Variants in SH3GL3 observed in about 807,000 individuals in gnomAD.
The protein encoded by SH3GL3 is endophilin-A3.
In SH3GL3, 33 loss-of-function variants were observed where a neutral mutation model predicts 47.7. That is an observed-to-expected ratio of 0.69 (90% CI 0.52 to 0.92). The LOEUF (loss-of-function observed/expected upper bound fraction) is 0.92, where lower values mean the gene tolerates loss of function less well. Ranked by LOEUF, SH3GL3 falls within the 40% of genes least tolerant of loss-of-function variation. The pLI is 0.00. For missense variants in SH3GL3, 363 were observed against 417.8 expected, an observed-to-expected ratio of 0.87 and a Z score of 1.14; for synonymous variants, 155 against 148.8, an observed-to-expected ratio of 1.04 and a Z score of -0.30.
intron 1 of SH3GL3, among the ~76,000 whole-genome samples, chr15:83,467,345 A>G (rs918178278): frequency 6.6e-6 from 1 of 152,136 alleles, no homozygotes; most frequent in African/African-American, 2.4e-5. Context: ...AACTGAGCAT[A>G]TTTGTGTGGG....
At chr15:83,573,763 T>G (rs1233425215) in intron 5 of SH3GL3, among the ~76,000 whole-genome samples, 1 of 152,184 alleles carries the variant, frequency 6.6e-6, no homozygotes, top group Non-Finnish European at 1.5e-5. Flanking sequence ...CTTTGTTCAT[T>G]TATTTATTCA....
chr15:83,629,635 T>C, the SH3GL3 span, among the ~76,000 whole-genome samples: 1 of 152,004 alleles, frequency 6.6e-6, no homozygotes, highest in Non-Finnish European at 1.5e-5. Context: ...GGCTGGCCAA[T>C]ACAGTGAGAT....
intron 5 of SH3GL3, among the ~76,000 whole-genome samples, chr15:83,573,852 G>A (rs963830625): frequency 6.6e-6 from 1 of 152,238 alleles, no homozygotes; most frequent in Non-Finnish European, 1.5e-5. Flanking sequence ...ACAAGACCTG[G>A]TGCATGCCCT....
At chr15:83,518,432 T>C (rs1441437645) in intron 1 of SH3GL3, among the ~76,000 whole-genome samples, 2 of 152,246 alleles carry the variant, frequency 1.3e-5, no homozygotes, top group Admixed American at 1.3e-4. Context: ...ATAGTCTTTC[T>C]GACTGGTGTG....
At chr15:83,563,502 C>T (rs146986643) in intron 2 of SH3GL3, among the ~76,000 whole-genome samples, 4 of 152,240 alleles carry the variant, frequency 2.6e-5, no homozygotes, top group African/African-American at 9.6e-5. Context: ...ACTCCACACC[C>T]ATATAATACC....
intron 5 of SH3GL3, among the ~76,000 whole-genome samples, chr15:83,576,376 T>G (rs2059678955): frequency 6.6e-6 from 1 of 152,222 alleles, no homozygotes; most frequent in Admixed American, 6.5e-5. Flanking sequence ...GTCCATTCAT[T>G]CATTCATTCC....
rs1215516128 is a variant in SH3GL3 at position 83,565,020 on chromosome 15, A to G, written c.115-114A>G. The G allele has an allele frequency of 7.6e-6, 4 of 529,382 alleles. No individual in the cohort carries two copies. The African/African-American group carries it at 7.9e-5, about 10-fold the overall frequency. 32.8% of individuals were successfully genotyped at this position (529,382 alleles called of 1,614,324 possible). A position where few individuals can be genotyped will look rare whatever the true frequency, so the allele number is the denominator to read the frequency against. ...GTTGAAAACGTTCATTTGGATTAAA[A>G]TCATCATAATCGTGTTAGAAGAATT... On this transcript the variant is annotated intron_variant, in intron 2 of 8. Transcript: ENST00000427482.
At chr15:83,494,801 C>T (rs2042015838) in intron 1 of SH3GL3, among the ~76,000 whole-genome samples, 1 of 152,120 alleles carries the variant, frequency 6.6e-6, no homozygotes, top group Non-Finnish European at 1.5e-5. Flanking sequence ...CCTCCGCCTC[C>T]CCAGTGTGCT....
intron 1 of SH3GL3, among the ~76,000 whole-genome samples, chr15:83,481,492 T>G (rs1330396439): frequency 1.3e-5 from 2 of 152,162 alleles, no homozygotes; most frequent in African/African-American, 2.4e-5. Flanking sequence ...CTGGTTTGGT[T>G]TGGTTCTCCT....
rs1381001943 is a variant in SH3GL3 at position 83,572,706 on chromosome 15, T to C, written c.465+8T>C. ...GATTTAAAAGAGATCGGGGTAAGTCTTCCAGGGTATAAATATACCTGTTGC... is the reference window on the plus strand; with the variant it reads ...GATTTAAAAGAGATCGGGGTAAGTCCTCCAGGGTATAAATATACCTGTTGC... On this transcript the variant is annotated splice_region_variant and intron_variant, in intron 5 of 8. Coordinates refer to ENST00000427482, the MANE Select transcript of SH3GL3 (RefSeq NM_003027.5). The C allele has an allele frequency of 2.5e-6, 4 of 1,593,426 alleles. No homozygotes were observed. Among genetic ancestry groups the C allele is most frequent in the Non-Finnish European group, 2.6e-6 (3 of 1,163,490 alleles).
chr15:83,615,146 A>G (rs1331603381), intron 8 of SH3GL3, among the ~76,000 whole-genome samples: 2 of 152,148 alleles, frequency 1.3e-5, no homozygotes, highest in Non-Finnish European at 2.9e-5. Flanking sequence ...ATTAATACTC[A>G]AAGAAAAAAA....
At chr15:83,585,956 A>G (rs1254306834) in intron 6 of SH3GL3, among the ~76,000 whole-genome samples, 1 of 152,244 alleles carries the variant, frequency 6.6e-6, no homozygotes, top group East Asian at 1.9e-4. Flanking sequence ...ATGGTTGGTT[A>G]GGCAGGGTGA....
intron 1 of SH3GL3, among the ~76,000 whole-genome samples, chr15:83,542,660 C>A (rs1248609571): frequency 6.6e-6 from 1 of 151,996 alleles, no homozygotes. Flanking sequence ...AATGCTTTAT[C>A]GTTTTCATTG....
At chr15:83,516,648 A>G (rs1029890090) in intron 1 of SH3GL3, among the ~76,000 whole-genome samples, 6 of 152,032 alleles carry the variant, frequency 3.9e-5, no homozygotes, top group African/African-American at 1.4e-4. Context: ...ACACTTTTAA[A>G]TGACCAGATC....
chr15:83,450,100 G>A (rs1595991806), intron 1 of SH3GL3, among the ~76,000 whole-genome samples: 1 of 152,102 alleles, frequency 6.6e-6, no homozygotes, highest in Non-Finnish European at 1.5e-5. Flanking sequence ...TGTAACCTTG[G>A]GAACATAACT....
intron 1 of SH3GL3, among the ~76,000 whole-genome samples, chr15:83,557,337 C>A (rs898201372): frequency 1.3e-5 from 2 of 152,162 alleles, no homozygotes; most frequent in Non-Finnish European, 2.9e-5. Flanking sequence ...TAAAACACTG[C>A]TTGGTGTGTG....
chr15:83,579,524 C>G (rs1443287651), intron 6 of SH3GL3, among the ~76,000 whole-genome samples: 2 of 152,184 alleles, frequency 1.3e-5, no homozygotes, highest in Non-Finnish European at 2.9e-5. Context: ...CTGCTTCCTG[C>G]CATCTGTAGC....
intron 6 of SH3GL3, among the ~76,000 whole-genome samples, chr15:83,579,366 C>T (rs1168229331): frequency 3.5e-4 from 53 of 152,198 alleles, no homozygotes; most frequent in African/African-American, 4.8e-5. Flanking sequence ...GCTGCTCCCT[C>T]AGCCTGGATC....
At position 83,448,900 on chromosome 15, in the gene SH3GL3, G is replaced by C. The variant is rs1012034587; in HGVS notation, c.45+1322G>C. Reference sequence around the variant, plus strand: ...CCTGGAGGAGAGGCTATTCAGGTGAGGGTGGAGATGATGGATTCACCACTG... The same window carrying C: ...CCTGGAGGAGAGGCTATTCAGGTGACGGTGGAGATGATGGATTCACCACTG... On this transcript the variant is annotated intron_variant, in intron 1 of 8. Coordinates refer to ENST00000427482, the MANE Select transcript of SH3GL3 (RefSeq NM_003027.5). The surrounding 1 kb of genome is among the most constrained non-coding windows in gnomAD (Gnocchi z 4.2). Among the ~76,000 whole-genome samples the C allele has an allele frequency of 4.6e-5, 7 of 152,138 alleles. No homozygotes were observed. Among genetic ancestry groups the C allele is most frequent in the African/African-American group, 1.7e-4 (7 of 41,434 alleles).
Sources: allele counts gnomAD v4.1 joint callset (sites outside exome capture counted in the v4.1 genomes callset), GRCh38; gene constraint gnomAD v4.1.1; non-coding constraint Gnocchi (gnomAD v3.1); transcripts MANE v1.5; gene names NCBI Gene and HGNC (gene_info 2026-07-23, HGNC 2026-07-21).